Variants in ZNF431 observed in about 807,000 individuals in gnomAD.
The protein encoded by ZNF431 is zinc finger protein 431.
Under a neutral mutation model 57.0 loss-of-function variants are expected in ZNF431, and 34 were observed. That is an observed-to-expected ratio of 0.60 (90% confidence interval 0.45 to 0.79). ZNF431 has a LOEUF of 0.79. Among genes scored for constraint, ZNF431 ranks in the 30% least tolerant of loss-of-function variants. The pLI is 0.00. For synonymous variants in ZNF431, 207 were observed against 220.3 expected (o/e 0.94, Z 0.54); for missense variants, 607 against 667.1 (o/e 0.91, Z 0.99).
At chr19:21,167,070 C>CTGG (rs1970739516) in intron 3 of ZNF431, among the ~76,000 whole-genome samples, 1 of 152,024 alleles carries the variant, frequency 6.6e-6, no homozygotes, top group African/African-American at 2.4e-5. Context: ...GTTGGCCAGG[C>CTGG]TGGTCTCAAA....
Position 21,187,997 on chromosome 19 carries a change from G to T in ZNF431, c.*3963G>T, listed in dbSNP as rs111579492. ...TAAAAGGCAGCCAGGTGTGGCTCAC[G>T]CCTGTAATCCCAGCACTGAGATAGG... On this transcript the variant is annotated 3_prime_UTR_variant, in exon 5 of 5. Coordinates refer to ENST00000311048, the MANE Select transcript of ZNF431 (RefSeq NM_133473.4). The T allele has an allele frequency of 1.3e-5, 2 of 152,074 alleles. No individual in the cohort carries two copies. Among genetic ancestry groups the T allele is most frequent in the African/African-American group, 4.8e-5 (2 of 41,402 alleles). 9.4% of individuals were successfully genotyped at this position (152,074 alleles called of 1,614,324 possible).
chr19:21,166,247 C>T, intron 2 of ZNF431, 88 bp from the exon 3 acceptor site: 2 of 1,527,358 alleles, frequency 1.3e-6, no homozygotes, highest in Non-Finnish European at 8.8e-7. Flanking sequence ...GTTCTCTTTA[C>T]TCTCTCAATT....
intron 4 of ZNF431, among the ~76,000 whole-genome samples, chr19:21,181,847 G>T (rs1971217956): frequency 6.6e-6 from 1 of 151,688 alleles, no homozygotes; most frequent in Non-Finnish European, 1.5e-5. Flanking sequence ...GCCCTATTTT[G>T]TATTCATTGT....
chr19:21,168,256 G>A (rs774553941), intron 4 of ZNF431, among the ~76,000 whole-genome samples: 11 of 151,778 alleles, frequency 7.2e-5, no homozygotes, highest in Non-Finnish European at 1.5e-4. Flanking sequence ...TTTTAGAATT[G>A]TATTTTCTAT....
intron 4 of ZNF431, among the ~76,000 whole-genome samples, chr19:21,177,632 CA>C (rs1338560322): frequency 6.6e-6 from 1 of 152,076 alleles, no homozygotes; most frequent in African/African-American, 2.4e-5. Flanking sequence ...ACTAAAAATA[CA>C]AAAAATTAGC....
rs1971574728 is a variant in ZNF431 at position 21,194,765 on chromosome 19, T to C, written c.*10731T>C. 6.6e-6 allele frequency: 1 copy of C among 152,180 alleles called. No homozygotes were observed. The allele number at this position is 152,180 out of a possible 1,614,324, so 9.4% of individuals were successfully genotyped here. On this transcript the variant is annotated 3_prime_UTR_variant, in exon 5 of 5. Coordinates refer to ENST00000311048, the MANE Select transcript of ZNF431 (RefSeq NM_133473.4). ...TGGCCCAACCCCATATTATTTCTGG[T>C]AACAAAGCACAGAAACATGATTTCT... is the stretch of plus-strand genomic sequence containing the variant.
chr19:21,187,467 G>A lies in ZNF431; in HGVS notation c.*3433G>A, dbSNP rs1287836921. On this transcript the variant is annotated 3_prime_UTR_variant, in exon 5 of 5. Transcript: ENST00000311048. The stretch of plus-strand genomic sequence containing the variant: ...AAAAAAAAAAAAAAGAGCTGGGCGT[G>A]GTGGCTCACGCCTGTAATCCCAGCA... 1 of 151,156 alleles carries A rather than the reference G, an allele frequency of 6.6e-6. No homozygotes were observed. The highest frequency in any genetic ancestry group is 1.5e-5 in the Non-Finnish European group (1 of 67,882). The allele number at this position is 151,156 out of a possible 1,614,324, so 9.4% of individuals were successfully genotyped here.
At chr19:21,159,793 G>A (rs1322469028) in intron 2 of ZNF431, among the ~76,000 whole-genome samples, 1 of 151,968 alleles carries the variant, frequency 6.6e-6, no homozygotes, top group African/African-American at 2.4e-5. Context: ...AATTTGTCTG[G>A]TCCTGTTCTT....
In ZNF431 at chr19:21,182,758, A is replaced by G. The variant is rs751470506; in HGVS notation, c.455A>G (p.Asp152Gly). 2 of 1,613,996 alleles carry G rather than the reference A, an allele frequency of 1.2e-6. No homozygotes were observed. The highest frequency in any genetic ancestry group is 1.7e-6 in the Non-Finnish European group (2 of 1,179,900). Residue 152 changes from aspartate to glycine, a missense_variant, in exon 5 of 5, where the codon GAT becomes GGT. Physicochemically the swap from Asp to Gly is moderately conservative, Grantham distance 94. Transcript: ENST00000311048. ...TTAAGAAAAGGCTCCGCAAGTGTAG[A>G]TGAGTATAAGGTGCACAAAGAAGGT... ...LQLRKGSASVDEYKVHKEGYN... is the reference protein window; with the variant it reads ...LQLRKGSASVGEYKVHKEGYN...
chr19:21,142,660 G>A (rs952788507), intron 1 of ZNF431, among the ~76,000 whole-genome samples: 3 of 152,160 alleles, frequency 2.0e-5, no homozygotes, highest in Admixed American at 2.0e-4. Context: ...ACCCAGCTGT[G>A]GTTTGTAATT....
chr19:21,151,058 C>CT (rs1005985260), intron 2 of ZNF431: 22 of 148,694 alleles, frequency 1.5e-4, no homozygotes, highest in Middle Eastern at 6.8e-3. Flanking sequence ...CTTTTTTTTT[C>CT]TTTTTTTTTT....
At chr19:21,146,646 C>T (rs568568936) in intron 2 of ZNF431, among the ~76,000 whole-genome samples, 1 of 152,246 alleles carries the variant, frequency 6.6e-6, no homozygotes, top group African/African-American at 2.4e-5. Context: ...GCAGTGAGGG[C>T]AATCAGAGGT....
Position 21,171,712 on chromosome 19 carries a change from AT to A in ZNF431, c.319+4073del, listed in dbSNP as rs550012306. Reference sequence around the variant, plus strand: ...TCTAATGATGAATATATATATATATATTTTTTTTTTTTTTTTTTTTTTTTTT... The same window carrying A: ...TCTAATGATGAATATATATATATATATTTTTTTTTTTTTTTTTTTTTTTTT... On this transcript the variant is annotated intron_variant, in intron 4 of 4. Transcript: ENST00000311048. Among the ~76,000 whole-genome samples the A allele has an allele frequency of 8.2e-3, 747 of 90,660 alleles. 7 individuals are homozygous for A. The highest frequency in any genetic ancestry group is 0.029 in the African/African-American group (635 of 21,726). The allele number at this position is 90,660 out of a possible 152,430, so 59.5% of individuals were successfully genotyped here.
At chr19:21,161,826 G>A (rs1177778026) in intron 2 of ZNF431, among the ~76,000 whole-genome samples, 2 of 151,976 alleles carry the variant, frequency 1.3e-5, no homozygotes, top group East Asian at 1.9e-4. Context: ...GCTAATTTTT[G>A]TATTTTTAGT....
chr19:21,170,738 A>T (rs1827662284), intron 4 of ZNF431, among the ~76,000 whole-genome samples: 1 of 150,840 alleles, frequency 6.6e-6, no homozygotes, highest in African/African-American at 2.4e-5. Context: ...CAGTGGCATG[A>T]TCTCAGCTCA....
rs755159379 is a variant in ZNF431 at position 21,182,849 on chromosome 19, G to A, written c.546G>A (p.Val182=). The A allele has an allele frequency of 1.2e-6, 2 of 1,613,956 alleles. No individual in the cohort carries two copies. The highest frequency in any genetic ancestry group is 2.2e-5 in the East Asian group (1 of 44,842). The change falls in exon 5 of 5, where the codon GTG becomes GTA. Residue 182 remains valine, a synonymous_variant. Transcript: ENST00000311048. ...AAATATTTCCATGTGATAAATATGT[G>A]AAAGTCTTTCATAAATTTTTAAATG... The part of the protein sequence containing the change: ...QSKIFPCDKY[V]KVFHKFLNAN...
intron 4 of ZNF431, among the ~76,000 whole-genome samples, chr19:21,181,978 A>G (rs1971220681): frequency 6.6e-6 from 1 of 152,128 alleles, no homozygotes; most frequent in African/African-American, 2.4e-5. Context: ...AGACTCTCAA[A>G]CATGTTCTTT....
At chr19:21,142,557 C>T (rs1022140685) in intron 1 of ZNF431, among the ~76,000 whole-genome samples, 2 of 152,154 alleles carry the variant, frequency 1.3e-5, no homozygotes, top group African/African-American at 4.8e-5. Flanking sequence ...CCGTGGAGTT[C>T]CCAGTTCCTC....
Position 21,187,601 on chromosome 19 carries a change from G to C in ZNF431, c.*3567G>C, listed in dbSNP as rs534523673. On this transcript the variant is annotated 3_prime_UTR_variant, in exon 5 of 5. Transcript: ENST00000311048. ...AAAAAATACAAAATTAGCCCGGTGT[G>C]GTGGCGCATGCCTGTAATCCCAGCT... 2 of 152,308 alleles carry C rather than the reference G, an allele frequency of 1.3e-5. No individual in the cohort carries two copies. Among genetic ancestry groups the C allele is most frequent in the East Asian group, 3.9e-4 (2 of 5,138 alleles). The allele number at this position is 152,308 out of a possible 1,614,324, so 9.4% of individuals were successfully genotyped here.
Sources: gnomAD v4.1 joint callset for allele counts (sites outside exome capture counted in the v4.1 genomes callset) on GRCh38, gnomAD v4.1.1 for gene constraint, MANE v1.5 for transcripts, NCBI Gene and HGNC (gene_info 2026-07-23, HGNC 2026-07-21) for gene names.